EFR3A: variants seen among roughly 807,000 people sequenced by gnomAD.
EFR3A encodes the protein EFR3 homolog A.
In EFR3A, 76 loss-of-function variants were observed where a neutral mutation model predicts 104.4. The ratio of observed to expected loss-of-function variants is 0.73; its 90% CI spans 0.60 to 0.88. EFR3A has a LOEUF of 0.88. EFR3A is among the 40% of genes least tolerant of loss of function. The pLI is 0.00. For missense variants in EFR3A, 985 were observed against 1,012.5 expected (o/e 0.97, Z 0.37); for synonymous variants, 330 against 330.0 (o/e 1.00, Z 0.00).
intron 8 of EFR3A, among the ~76,000 whole-genome samples, chr8:131,967,329 T>C (rs1357808906): frequency 6.6e-6 from 1 of 152,162 alleles, no homozygotes; most frequent in Non-Finnish European, 1.5e-5. Flanking sequence ...GGGGAACTTT[T>C]TGCTTTTGAG....
intron 20 of EFR3A, among the ~76,000 whole-genome samples, chr8:132,002,179 A>T (rs962306517): frequency 1.3e-5 from 2 of 152,190 alleles, no homozygotes; most frequent in Admixed American, 1.3e-4. Flanking sequence ...CCCCATTCTT[A>T]TTTCAGTTAT....
chr8:131,980,542 CATTATA>C (rs1279851735), intron 14 of EFR3A, among the ~76,000 whole-genome samples: 4 of 151,852 alleles, frequency 2.6e-5, no homozygotes, highest in Non-Finnish European at 4.4e-5. Flanking sequence ...TTTTTATTGA[CATTATA>C]ATTATATACA....
At chr8:131,915,140 C>T (rs959322997) in intron 1 of EFR3A, among the ~76,000 whole-genome samples, 6 of 152,082 alleles carry the variant, frequency 3.9e-5, no homozygotes, top group African/African-American at 1.4e-4. Context: ...TTGTGACATT[C>T]TGCATTTGGT....
At chr8:132,006,539 G>A (rs184128875) in intron 22 of EFR3A, among the ~76,000 whole-genome samples, 31 of 152,046 alleles carry the variant, frequency 2.0e-4, no homozygotes, top group African/African-American at 7.5e-4. Flanking sequence ...TAGATTTGCA[G>A]TTTAAAAGCA....
chr8:131,977,816 A>C (rs530745838), intron 12 of EFR3A, among the ~76,000 whole-genome samples: 2 of 152,198 alleles, frequency 1.3e-5, no homozygotes, highest in East Asian at 3.9e-4. Context: ...TTTGAATTCT[A>C]ATATAGCCAG....
intron 15 of EFR3A, among the ~76,000 whole-genome samples, 190 bp from the exon 16 acceptor site, chr8:131,984,739 A>AACT (rs1820791928): frequency 6.6e-6 from 1 of 152,196 alleles, no homozygotes. Flanking sequence ...AGAGAGTTTA[A>AACT]GTTGGAAAAA....
intron 7 of EFR3A, among the ~76,000 whole-genome samples, chr8:131,957,534 G>T (rs1181420873): frequency 1.3e-5 from 2 of 152,028 alleles, no homozygotes; most frequent in South Asian, 2.1e-4. Context: ...ATTTTTAGTA[G>T]AGATGAGATT....
At chr8:131,938,610 C>T (rs1443671850) in intron 1 of EFR3A, among the ~76,000 whole-genome samples, 2 of 152,130 alleles carry the variant, frequency 1.3e-5, no homozygotes, top group Non-Finnish European at 2.9e-5. Context: ...CCCTATATGG[C>T]AATGCATCCC....
chr8:131,970,665 A>G (rs781756040), intron 10 of EFR3A, 22 bp downstream of exon 10: 6 of 1,603,058 alleles, frequency 3.7e-6, no homozygotes, highest in Non-Finnish European at 5.1e-6. Flanking sequence ...TCACTTTTCA[A>G]AACTATCATG....
chr8:131,985,795 A>G (rs528704516), intron 16 of EFR3A, among the ~76,000 whole-genome samples: 1 of 152,228 alleles, frequency 6.6e-6, no homozygotes, highest in Non-Finnish European at 1.5e-5. Flanking sequence ...GAGCCAGTCC[A>G]CACAAGTGCC....
intron 3 of EFR3A, among the ~76,000 whole-genome samples, chr8:131,945,109 TTG>T (rs1818368988): frequency 6.6e-6 from 1 of 152,072 alleles, no homozygotes; most frequent in African/African-American, 2.4e-5. Context: ...TACTTTTTGC[TTG>T]TGTCTATTGA....
At chr8:131,971,630 G>C (rs1018955708) in intron 10 of EFR3A, among the ~76,000 whole-genome samples, 2 of 151,238 alleles carry the variant, frequency 1.3e-5, no homozygotes, top group African/African-American at 2.4e-5. Flanking sequence ...AGAGCTTGCA[G>C]TGAGCCGAGA....
intron 1 of EFR3A, among the ~76,000 whole-genome samples, chr8:131,906,675 G>A (rs1286278587): frequency 6.6e-6 from 1 of 152,134 alleles, no homozygotes; most frequent in African/African-American, 2.4e-5. Context: ...TTGGAGATCC[G>A]TAGACTCTTT....
chr8:131,925,400 C>T (rs1396704578), intron 1 of EFR3A, among the ~76,000 whole-genome samples: 1 of 152,038 alleles, frequency 6.6e-6, no homozygotes, highest in East Asian at 1.9e-4. Context: ...GGCAAAACGT[C>T]CTTCAATTAT....
intron 18 of EFR3A, among the ~76,000 whole-genome samples, chr8:131,993,927 G>A (rs7842177): frequency 0.068 from 10,337 of 152,110 alleles, 592 homozygotes; most frequent in African/African-American, 0.15. Flanking sequence ...ACTGGGACCT[G>A]TTGGAGGGTG....
chr8:132,005,931 C>G (rs77882863), intron 22 of EFR3A, among the ~76,000 whole-genome samples: 1 of 151,648 alleles, frequency 6.6e-6, no homozygotes, highest in African/African-American at 2.4e-5. Flanking sequence ...TGTTCTCTTG[C>G]CACAAAAAAA....
intron 1 of EFR3A, among the ~76,000 whole-genome samples, chr8:131,919,710 A>AATTTTC (rs1303466842): frequency 2.6e-5 from 4 of 151,944 alleles, no homozygotes; most frequent in Non-Finnish European, 5.9e-5. Context: ...AACAAATGTG[A>AATTTTC]ATTTTCAGAT....
At chr8:131,987,832 C>A in intron 18 of EFR3A, 130 bp downstream of exon 18, 2 of 947,706 alleles carry the variant, frequency 2.1e-6, no homozygotes, top group Non-Finnish European at 3.0e-6. Flanking sequence ...TTTTCAAATG[C>A]TTAAGAGTAT....
In EFR3A at chr8:131,985,012, T is replaced by C; in HGVS notation, c.1821T>C (p.Phe607=). The change falls in exon 16 of 23, where the codon TTT becomes TTC. Residue 607 remains phenylalanine (F), a synonymous_variant. Transcript: ENST00000254624. ...CACTGGTTGCAGCATACCTCAACTT[T>C]GTAAGTCAGATGATAGCTGTCCCTG... is the stretch of plus-strand genomic sequence containing the variant. ...IMALVAAYLN[F]VSQMIAVPAF... 6.2e-7 allele frequency: 1 copy of C among 1,613,664 alleles called. No homozygotes were observed. The highest frequency in any genetic ancestry group is 8.5e-7 in the Non-Finnish European group (1 of 1,179,664).
Sources: gnomAD v4.1 joint callset for allele counts (sites outside exome capture counted in the v4.1 genomes callset) on GRCh38, gnomAD v4.1.1 for gene constraint, MANE v1.5 for transcripts, NCBI Gene and HGNC (gene_info 2026-07-23, HGNC 2026-07-21) for gene names.